EMILIN2: variants seen among roughly 807,000 people sequenced by gnomAD.
The protein encoded by EMILIN2 is EMILIN-2.
EMILIN2 carries 71 observed loss-of-function variants against 87.1 expected under a neutral mutation model. The ratio of observed to expected loss-of-function variants is 0.82; its 90% CI spans 0.67 to 0.99. The LOEUF is 0.99. EMILIN2 is among the 50% of genes least tolerant of loss of function. The pLI is 0.00. For missense variants in EMILIN2, 1,407 were observed against 1,371.8 expected, an observed-to-expected ratio of 1.03 and a Z score of -0.40; for synonymous variants, 581 against 563.4, an observed-to-expected ratio of 1.03 and a Z score of -0.44.
intron 5 of EMILIN2, among the ~76,000 whole-genome samples, chr18:2,907,976 C>G (rs1444475314): frequency 6.6e-6 from 1 of 152,198 alleles, no homozygotes; most frequent in African/African-American, 2.4e-5. Flanking sequence ...TCGGTGATAG[C>G]CTGGTGCCCC....
chr18:2,861,376 T>C (rs577017073), intron 2 of EMILIN2, among the ~76,000 whole-genome samples: 1 of 152,250 alleles, frequency 6.6e-6, no homozygotes, highest in African/African-American at 2.4e-5. Flanking sequence ...GTCTAACATT[T>C]AAGTCTTTAA....
rs752182543 is a variant in EMILIN2 at position 2,866,280 on chromosome 18, C to T, written c.257+18349C>T. ...AAATGCAGAAATCACCTGTCTTCTGCGTCGCTCACGCTGGGAGCTGTAGAC... is the reference window on the plus strand; with the variant it reads ...AAATGCAGAAATCACCTGTCTTCTGTGTCGCTCACGCTGGGAGCTGTAGAC... On this transcript the variant is annotated intron_variant, in intron 2 of 7. Coordinates refer to ENST00000254528, the MANE Select transcript of EMILIN2 (RefSeq NM_032048.3). 3.9e-4 allele frequency among the ~76,000 whole-genome samples: 59 copies of T among 152,328 alleles called. 1 individual carries two copies. The highest frequency in any genetic ancestry group is 5.0e-4 in the Non-Finnish European group (34 of 68,028).
intron 4 of EMILIN2, among the ~76,000 whole-genome samples, chr18:2,897,173 A>C (rs1444775496): frequency 1.3e-5 from 2 of 152,178 alleles, no homozygotes; most frequent in Non-Finnish European, 2.9e-5. Context: ...GCTGTGATAA[A>C]GGAGTTGGAT....
intron 4 of EMILIN2, 67 bp downstream of exon 4, chr18:2,892,553 A>T (rs2076844331): frequency 6.7e-7 from 1 of 1,500,354 alleles, no homozygotes; most frequent in Non-Finnish European, 8.8e-7. Flanking sequence ...TTTAAAAATA[A>T]TTTTTTGTTC....
chr18:2,909,571 T>C, intron 6 of EMILIN2, 120 bp from the exon 7 acceptor site: 1 of 1,325,364 alleles, frequency 7.5e-7, no homozygotes, highest in Middle Eastern at 2.0e-4. Context: ...CTTCACCACT[T>C]TGGGTGAAAT....
At position 2,879,656 on chromosome 18, in the gene EMILIN2, G is replaced by A. The variant is rs567838507; in HGVS notation, c.258-5308G>A. 2.2e-4 allele frequency among the ~76,000 whole-genome samples: 34 copies of A among 151,768 alleles called. No homozygotes were observed. The East Asian group carries it at 3.7e-3, about 17-fold the overall frequency. Reference sequence around the variant, plus strand: ...AGCCTGAGCGACAGAGAGAGACTCCGTCCTCCCTGCCCCCAACACCCCCCC... The same window carrying A: ...AGCCTGAGCGACAGAGAGAGACTCCATCCTCCCTGCCCCCAACACCCCCCC... On this transcript the variant is annotated intron_variant, in intron 2 of 7. Transcript: ENST00000254528.
chr18:2,846,948 C>CG, upstream of EMILIN2: 1 of 997,524 alleles, frequency 1.0e-6, no homozygotes, highest in Non-Finnish European at 1.2e-6. This position sits in a 1 kb window ranked among gnomAD's most constrained non-coding sequence, Gnocchi z 5.3. Context: ...GGGCGGCACC[C>CG]GGGGGGACCT....
chr18:2,889,853 G>A (rs574133978), intron 3 of EMILIN2, among the ~76,000 whole-genome samples: 8 of 152,128 alleles, frequency 5.3e-5, no homozygotes, highest in Admixed American at 1.3e-4. Context: ...ATTCTTTGAC[G>A]TAGTGAATCT....
rs2076589178 is a variant in EMILIN2 at position 2,848,721 on chromosome 18, G to C, written c.257+790G>C. ...CAGTCTGATACCGGAAGATGGGCCA[G>C]TGTGAATAAATGGCTGTTGAGGAAC... On this transcript the variant is annotated intron_variant, in intron 2 of 7. Coordinates refer to ENST00000254528, the MANE Select transcript of EMILIN2 (RefSeq NM_032048.3). The surrounding 1 kb of genome is among the most constrained non-coding windows in gnomAD (Gnocchi z 4.1). 1.3e-5 allele frequency among the ~76,000 whole-genome samples: 2 copies of C among 152,152 alleles called. No homozygotes were observed. The highest frequency in any genetic ancestry group is 6.5e-5 in the Admixed American group (1 of 15,278).
At chr18:2,849,767 A>G (rs1054846764) in intron 2 of EMILIN2, among the ~76,000 whole-genome samples, 2 of 152,266 alleles carry the variant, frequency 1.3e-5, no homozygotes, top group African/African-American at 4.8e-5. Flanking sequence ...GTGAAGTTTA[A>G]GAAACAAAGA....
chr18:2,876,459 C>A (rs2076748194), intron 2 of EMILIN2, among the ~76,000 whole-genome samples: 1 of 151,884 alleles, frequency 6.6e-6, no homozygotes, highest in African/African-American at 2.4e-5. Flanking sequence ...GGTCTTAGAT[C>A]TGTTATTTTA....
intron 2 of EMILIN2, among the ~76,000 whole-genome samples, chr18:2,861,912 G>A (rs977720034): frequency 7.9e-5 from 12 of 152,136 alleles, no homozygotes; most frequent in Non-Finnish European, 1.5e-4. Flanking sequence ...ATTTCATTGA[G>A]CAGTGGTTTG....
intron 2 of EMILIN2, among the ~76,000 whole-genome samples, chr18:2,859,356 T>C (rs2143965717): frequency 6.6e-6 from 1 of 152,312 alleles, no homozygotes; most frequent in East Asian, 1.9e-4. Flanking sequence ...TTTTGGCCAT[T>C]TGTACATCTT....
Position 2,891,386 on chromosome 18 carries a change from C to T in EMILIN2, c.1259C>T (p.Ala420Val). 1 of 1,614,226 alleles carries T rather than the reference C, an allele frequency of 6.2e-7. No homozygotes were observed. Among genetic ancestry groups the T allele is most frequent in the South Asian group, 1.1e-5 (1 of 91,088 alleles). Reference protein sequence around the residue: ...KTLDQKIERVAEATRMLNGRL... With the variant: ...KTLDQKIERVVEATRMLNGRL... ...TTGGACCAGAAAATCGAGAGAGTTG[C>T]TGAAGCCACCAGAATGCTGAATGGA... The change falls in exon 4 of 8, where the codon GCT (alanine) becomes GTT (valine). Residue 420 changes from alanine (A) to valine (V), a missense_variant. Coordinates refer to ENST00000254528, the MANE Select transcript of EMILIN2 (RefSeq NM_032048.3). The surrounding 1 kb of genome is among the most constrained non-coding windows in gnomAD (Gnocchi z 4.6).
Position 2,906,879 on chromosome 18 carries a change from A to T in EMILIN2, c.2456A>T (p.Asp819Val). ...PRPSGPATAEDPGRRPVLPQR... is the reference protein window; with the variant it reads ...PRPSGPATAEVPGRRPVLPQR... ...CCCAGCGGCCCCGCAACCGCAGAGG[A>T]CCCTGGGCGACGGCCCGTCCTGCCC... Residue 819 changes from aspartate (D) to valine (V), a missense_variant, in exon 5 of 8, where the codon GAC becomes GTC. Transcript: ENST00000254528. 1 of 1,390,696 alleles carries T rather than the reference A, an allele frequency of 7.2e-7. No homozygotes were observed. Among genetic ancestry groups the T allele is most frequent in the Non-Finnish European group, 9.3e-7 (1 of 1,070,680 alleles). 86.1% of individuals were successfully genotyped at this position (1,390,696 alleles called of 1,614,324 possible).
rs1482572408 is a variant in EMILIN2 at position 2,894,171 on chromosome 18, C to T, written c.2359+1685C>T. ...GACATAAAACCCAAGGCAGCGTAGG[C>T]TAGAACGTGGGAAGCAGGCGAGCTC... On this transcript the variant is annotated intron_variant, in intron 4 of 7. Transcript: ENST00000254528. The surrounding 1 kb of genome is among the most constrained non-coding windows in gnomAD (Gnocchi z 5.0). 2.0e-5 allele frequency among the ~76,000 whole-genome samples: 3 copies of T among 152,128 alleles called. No homozygotes were observed. Among genetic ancestry groups the T allele is most frequent in the Non-Finnish European group, 2.9e-5 (2 of 68,020 alleles).
chr18:2,851,632 C>T (rs1182849980), intron 2 of EMILIN2, among the ~76,000 whole-genome samples: 1 of 152,200 alleles, frequency 6.6e-6, no homozygotes, highest in Non-Finnish European at 1.5e-5. Context: ...AGACTGACTA[C>T]AGGCCGCAGG....
Position 2,879,007 on chromosome 18 carries a change from A to T in EMILIN2, c.258-5957A>T, listed in dbSNP as rs114986272. ...CAGGTCAGTGCTGTAAACACAAGGC[A>T]AGGAGCCTTGCCTTGTGGAGCAGCT... On this transcript the variant is annotated intron_variant, in intron 2 of 7. Coordinates refer to ENST00000254528, the MANE Select transcript of EMILIN2 (RefSeq NM_032048.3). Among the ~76,000 whole-genome samples the T allele has an allele frequency of 6.2e-3, 946 of 152,282 alleles. 9 individuals carry two copies. Among genetic ancestry groups the T allele is most frequent in the African/African-American group, 0.021 (893 of 41,542 alleles).
chr18:2,866,961 A>C (rs1362932954), intron 2 of EMILIN2, among the ~76,000 whole-genome samples: 1 of 152,020 alleles, frequency 6.6e-6, no homozygotes, highest in Non-Finnish European at 1.5e-5. Context: ...TGATCATGTG[A>C]TTTTTGTTTT....
Sources: allele counts gnomAD v4.1 joint callset (sites outside exome capture counted in the v4.1 genomes callset), GRCh38; gene constraint gnomAD v4.1.1; non-coding constraint Gnocchi (gnomAD v3.1); transcripts MANE v1.5; gene names NCBI Gene and HGNC (gene_info 2026-07-23, HGNC 2026-07-21).